The following DLG2 variants were observed in gnomAD, a reference collection of about 807,000 sequenced individuals.
DLG2 encodes the protein disks large homolog 2.
Under a neutral mutation model 132.5 loss-of-function variants are expected in DLG2, and 45 were observed. The observed-to-expected ratio is 0.34, with a 90% CI of 0.27 to 0.44. The LOEUF is 0.44. DLG2 is among the 20% of genes least tolerant of loss of function. DLG2 has a pLI of 1.00. For synonymous variants in DLG2, 424 were observed against 419.6 expected, an observed-to-expected ratio of 1.01 and a Z score of -0.13; for missense variants, 1,045 against 1,196.9, an observed-to-expected ratio of 0.87 and a Z score of 1.87.
intron 3 of DLG2, among the ~76,000 whole-genome samples, chr11:85,460,873 G>A (rs2092586107): frequency 6.6e-6 from 1 of 152,166 alleles, no homozygotes; most frequent in Non-Finnish European, 1.5e-5. Context: ...TATGTTTGTC[G>A]ATGATGCTGT....
intron 6 of DLG2, among the ~76,000 whole-genome samples, chr11:85,067,936 C>T (rs1025221624): frequency 2.0e-5 from 3 of 152,016 alleles, no homozygotes; most frequent in African/African-American, 7.2e-5. Context: ...AGCAGCACAT[C>T]AAAAAGCTTA....
intron 3 of DLG2, among the ~76,000 whole-genome samples, chr11:85,331,703 C>A (rs750383809): frequency 3.3e-5 from 5 of 152,098 alleles, no homozygotes; most frequent in South Asian, 4.1e-4. Context: ...TCTGCATATA[C>A]GTGAAAACAT....
At chr11:85,492,708 T>G (rs1168191936) in intron 3 of DLG2, among the ~76,000 whole-genome samples, 1 of 145,658 alleles carries the variant, frequency 6.9e-6, no homozygotes, top group Non-Finnish European at 1.5e-5. Flanking sequence ...TTTGGGATGG[T>G]CTGACTTAAA....
At chr11:83,851,160 G>C (rs2059689658) in intron 16 of DLG2, among the ~76,000 whole-genome samples, 1 of 140,832 alleles carries the variant, frequency 7.1e-6, no homozygotes, top group Admixed American at 7.3e-5. Context: ...CTGGGTGACA[G>C]AGTGAGACTC....
At chr11:84,944,765 C>T (rs376411123) in intron 6 of DLG2, among the ~76,000 whole-genome samples, 23 of 152,034 alleles carry the variant, frequency 1.5e-4, no homozygotes, top group Admixed American at 5.9e-4. Flanking sequence ...CCACCATGCC[C>T]GGCTAATTTT....
At chr11:84,378,304 T>C (rs946688625) in intron 7 of DLG2, among the ~76,000 whole-genome samples, 1 of 152,112 alleles carries the variant, frequency 6.6e-6, no homozygotes, top group Non-Finnish European at 1.5e-5. Context: ...GGAAAGGTCA[T>C]ATGAGGACAC....
At chr11:84,755,529 T>A (rs1425035712) in intron 6 of DLG2, among the ~76,000 whole-genome samples, 2 of 152,222 alleles carry the variant, frequency 1.3e-5, no homozygotes, top group Non-Finnish European at 2.9e-5. Flanking sequence ...GTTCAAGACA[T>A]TCTCCTGCCT....
At chr11:84,331,457 A>AAT (rs1555508995) in intron 7 of DLG2, among the ~76,000 whole-genome samples, 104 of 148,892 alleles carry the variant, frequency 7.0e-4, no homozygotes, top group African/African-American at 2.6e-3. Flanking sequence ...AAAAAAAAAA[A>AAT]AAAATAAATA....
chr11:85,591,274 T>C (rs1345615993), intron 3 of DLG2, among the ~76,000 whole-genome samples: 1 of 152,206 alleles, frequency 6.6e-6, no homozygotes, highest in Non-Finnish European at 1.5e-5. Flanking sequence ...TCTCAACTCT[T>C]TGGAAGAGAC....
intron 3 of DLG2, among the ~76,000 whole-genome samples, chr11:85,382,855 A>G (rs2086006922): frequency 6.6e-6 from 1 of 152,150 alleles, no homozygotes; most frequent in African/African-American, 2.4e-5. Context: ...TGCTTAAGAT[A>G]TGGAGAAGTT....
In DLG2 at chr11:84,565,598, G is replaced by A. The variant is rs139746031; in HGVS notation, c.358-30867C>T. On this transcript the variant is annotated intron_variant, in intron 6 of 27. Transcript: ENST00000376104. ...GCTCAATACATAATTGTTGATAAAT[G>A]ATTGATTATTACTCATGTTCAAATG... 9.1e-3 allele frequency among the ~76,000 whole-genome samples: 1,387 copies of A among 152,170 alleles called. 16 individuals carry two copies. The highest frequency in any genetic ancestry group is 0.031 in the Middle Eastern group (9 of 294).
At chr11:83,814,497 G>T in intron 17 of DLG2, 1 of 212,328 alleles carries the variant, frequency 4.7e-6, no homozygotes, top group Non-Finnish European at 1.0e-5. Flanking sequence ...GTGTTTCTGT[G>T]CTCCTTTACA....
intron 2 of DLG2, among the ~76,000 whole-genome samples, chr11:85,614,132 G>T (rs1404369274): frequency 6.6e-6 from 1 of 152,210 alleles, no homozygotes; most frequent in East Asian, 1.9e-4. Flanking sequence ...ACGAGTATCA[G>T]TGGCTTCATT....
intron 19 of DLG2, among the ~76,000 whole-genome samples, chr11:83,567,529 T>G (rs2096728115): frequency 6.6e-6 from 1 of 152,162 alleles, no homozygotes; most frequent in Non-Finnish European, 1.5e-5. Flanking sequence ...TATTTACTGT[T>G]TTAGGTGGTG....
At chr11:85,135,410 G>A (rs550056794) in intron 5 of DLG2, among the ~76,000 whole-genome samples, 40 of 152,292 alleles carry the variant, frequency 2.6e-4, no homozygotes, top group African/African-American at 9.6e-4. Flanking sequence ...AAATTGGATA[G>A]CAGAGTAAGA....
At chr11:84,560,003 G>A (rs146869321) in intron 6 of DLG2, among the ~76,000 whole-genome samples, 1 of 152,172 alleles carries the variant, frequency 6.6e-6, no homozygotes, top group African/African-American at 2.4e-5. Context: ...AGAATCTAAG[G>A]CTCAAAAATG....
chr11:83,523,887 A>AT (rs112371210), intron 21 of DLG2, among the ~76,000 whole-genome samples: 4,501 of 152,274 alleles, frequency 0.03, 227 homozygotes, highest in African/African-American at 0.1. Context: ...CTTCCTGCCC[A>AT]TTAGAGTCAG....
At chr11:85,059,640 T>C (rs1277784166) in intron 6 of DLG2, among the ~76,000 whole-genome samples, 1 of 151,360 alleles carries the variant, frequency 6.6e-6, no homozygotes, top group Non-Finnish European at 1.5e-5. Context: ...CTTACAAATA[T>C]AATTTTGAGT....
In DLG2 at chr11:83,750,134, G is replaced by A. The variant is rs1274409864; in HGVS notation, c.1825+36556C>T. On this transcript the variant is annotated intron_variant, in intron 18 of 27. Coordinates refer to ENST00000376104, the MANE Select transcript of DLG2 (RefSeq NM_001142699.3). Reference sequence around the variant, plus strand: ...AGCTTGTCTTTACTCTAGTTCTTAAGTTAAAGCATCAAGAGGAACCCCCAA... The same window carrying A: ...AGCTTGTCTTTACTCTAGTTCTTAAATTAAAGCATCAAGAGGAACCCCCAA... 2.0e-5 allele frequency among the ~76,000 whole-genome samples: 3 copies of A among 152,130 alleles called. No homozygotes were observed. The East Asian group carries it at 5.8e-4, about 29-fold the overall frequency.
Sources: allele counts gnomAD v4.1 joint callset (sites outside exome capture counted in the v4.1 genomes callset), GRCh38; gene constraint gnomAD v4.1.1; transcripts MANE v1.5; gene names NCBI Gene and HGNC (gene_info 2026-07-23, HGNC 2026-07-21).